TMEM117: variants seen among roughly 807,000 people sequenced by gnomAD.
The protein encoded by TMEM117 is transmembrane protein 117.
TMEM117 carries 27 observed loss-of-function variants against 52.4 expected under a neutral mutation model. That is an observed-to-expected ratio of 0.51 (90% confidence interval 0.38 to 0.71). TMEM117 has a LOEUF of 0.71. Among genes scored for constraint, TMEM117 ranks in the 30% least tolerant of loss-of-function variants. TMEM117 has a pLI of 0.00. For synonymous variants in TMEM117, 215 were observed against 206.3 expected, an observed-to-expected ratio of 1.04 and a Z score of -0.36; for missense variants, 556 against 630.5, an observed-to-expected ratio of 0.88 and a Z score of 1.26.
At chr12:43,976,186 G>A (rs2137705961) in intron 3 of TMEM117, among the ~76,000 whole-genome samples, 1 of 152,288 alleles carries the variant, frequency 6.6e-6, no homozygotes, top group African/African-American at 2.4e-5. Context: ...GGAATCACCA[G>A]TGTGACATGA....
At chr12:44,329,890 T>C (rs1404288784) in intron 6 of TMEM117, among the ~76,000 whole-genome samples, 1 of 152,100 alleles carries the variant, frequency 6.6e-6, no homozygotes, top group Non-Finnish European at 1.5e-5. Flanking sequence ...ATATACCGTA[T>C]TTTGTTTATC....
intron 3 of TMEM117, among the ~76,000 whole-genome samples, chr12:43,981,160 C>G (rs2137721042): frequency 6.6e-6 from 1 of 152,214 alleles, no homozygotes; most frequent in Non-Finnish European, 1.5e-5. Flanking sequence ...CCTGACCGAT[C>G]TCCTACACCA....
chr12:43,848,332 G>A (rs1943247041), intron 2 of TMEM117, among the ~76,000 whole-genome samples: 1 of 152,116 alleles, frequency 6.6e-6, no homozygotes, highest in Non-Finnish European at 1.5e-5. Context: ...GGTTCTTCAG[G>A]AGACCAGGGC....
Position 44,199,038 on chromosome 12 carries a change from C to A in TMEM117, c.511-12252C>A, listed in dbSNP as rs1373006205. On this transcript the variant is annotated intron_variant, in intron 4 of 7. Coordinates refer to ENST00000266534, the MANE Select transcript of TMEM117 (RefSeq NM_032256.3). ...GAACAACTTGAAGAAATACTGGAGCCCTGTTGTTCACCTCACCTCTTCTCC... is the reference window on the plus strand; with the variant it reads ...GAACAACTTGAAGAAATACTGGAGCACTGTTGTTCACCTCACCTCTTCTCC... 2.0e-5 allele frequency among the ~76,000 whole-genome samples: 3 copies of A among 152,054 alleles called. No individual in the cohort carries two copies. In the East Asian group the frequency reaches 5.8e-4, roughly 29 times the overall value.
chr12:43,865,664 T>A (rs2137411569), intron 2 of TMEM117, among the ~76,000 whole-genome samples: 1 of 149,998 alleles, frequency 6.7e-6, no homozygotes, highest in East Asian at 2.0e-4. Context: ...ACCACTGCAC[T>A]CCAGCCTGGG....
At chr12:44,165,605 A>G (rs1371695010) in intron 4 of TMEM117, among the ~76,000 whole-genome samples, 2 of 152,242 alleles carry the variant, frequency 1.3e-5, no homozygotes, top group Non-Finnish European at 2.9e-5. Flanking sequence ...ACTTTAAGTC[A>G]AAAACAGTCA....
chr12:43,873,275 T>A (rs888985690), intron 2 of TMEM117, among the ~76,000 whole-genome samples: 1 of 103,540 alleles, frequency 9.7e-6, no homozygotes, highest in African/African-American at 2.7e-5. Flanking sequence ...TAGTAGAGTA[T>A]AATTAGGCAA....
At chr12:44,162,782 A>T (rs973921969) in intron 4 of TMEM117, among the ~76,000 whole-genome samples, 2 of 152,188 alleles carry the variant, frequency 1.3e-5, no homozygotes, top group African/African-American at 4.8e-5. Flanking sequence ...GTAGACTAAT[A>T]ACACATGTAG....
chr12:44,035,128 T>A (rs1946690027), intron 3 of TMEM117, among the ~76,000 whole-genome samples: 1 of 152,200 alleles, frequency 6.6e-6, no homozygotes, highest in Non-Finnish European at 1.5e-5. Flanking sequence ...TTGTGGGACT[T>A]CTCAGGCTTC....
intron 5 of TMEM117, among the ~76,000 whole-genome samples, chr12:44,273,532 A>T (rs1179358454): frequency 6.6e-6 from 1 of 152,118 alleles, no homozygotes; most frequent in African/African-American, 2.4e-5. Flanking sequence ...ACTACAGGCC[A>T]GTATATCTGA....
chr12:43,970,772 G>A (rs542782838), intron 3 of TMEM117, among the ~76,000 whole-genome samples: 12 of 152,110 alleles, frequency 7.9e-5, no homozygotes, highest in Middle Eastern at 3.4e-3. Context: ...GTTTTCTTTG[G>A]GCTCTCATCA....
chr12:44,290,478 C>T (rs1291105787), intron 5 of TMEM117, among the ~76,000 whole-genome samples: 1 of 152,066 alleles, frequency 6.6e-6, no homozygotes. Flanking sequence ...ATTCTTAGTG[C>T]TTTTGTCAAA....
intron 7 of TMEM117, among the ~76,000 whole-genome samples, chr12:44,382,293 GAAGGACTCGA>G (rs1952031668): frequency 1.3e-5 from 2 of 152,084 alleles, no homozygotes; most frequent in African/African-American, 4.8e-5. Flanking sequence ...AGAGCCAGAG[GAAGGACTCGA>G]AATATATAAT....
Position 43,957,290 on chromosome 12 carries a change from A to G in TMEM117, c.410+12948A>G, listed in dbSNP as rs149183017. ...TGAAACAAACCTACTCATCCTGCAC[A>G]TGTACCCCAGAACTTAAAAAAAGAA... On this transcript the variant is annotated intron_variant, in intron 3 of 7. Transcript: ENST00000266534. Among the ~76,000 whole-genome samples the G allele has an allele frequency of 4.4e-3, 667 of 152,258 alleles. 6 individuals carry two copies. The highest frequency in any genetic ancestry group is 0.016 in the African/African-American group (646 of 41,560).
intron 3 of TMEM117, among the ~76,000 whole-genome samples, chr12:43,964,178 C>T (rs573061982): frequency 1.3e-5 from 2 of 152,140 alleles, no homozygotes; most frequent in South Asian, 4.2e-4. Context: ...TAGTAGCTCT[C>T]GGGGAGGTCT....
chr12:44,381,106 T>G (rs1325422580), intron 7 of TMEM117, among the ~76,000 whole-genome samples: 4 of 152,212 alleles, frequency 2.6e-5, no homozygotes, highest in Non-Finnish European at 5.9e-5. Context: ...GATGGCTTGC[T>G]GCAGTATGTA....
chr12:44,114,003 G>A (rs1016017607), intron 3 of TMEM117, among the ~76,000 whole-genome samples: 2 of 146,010 alleles, frequency 1.4e-5, no homozygotes, highest in African/African-American at 2.7e-5. Context: ...TCTTTGACTC[G>A]GAAAGGGAAC....
chr12:44,071,481 A>G (rs1222048396), intron 3 of TMEM117, among the ~76,000 whole-genome samples: 1 of 152,192 alleles, frequency 6.6e-6, no homozygotes, highest in African/African-American at 2.4e-5. Context: ...GCAAATGTAA[A>G]CTACATTTAA....
intron 4 of TMEM117, among the ~76,000 whole-genome samples, chr12:44,161,420 A>G (rs962452112): frequency 6.6e-6 from 1 of 152,194 alleles, no homozygotes; most frequent in Non-Finnish European, 1.5e-5. Flanking sequence ...GTCACTTAGC[A>G]TGGAACTTAT....
Sources: allele counts gnomAD v4.1 joint callset (sites outside exome capture counted in the v4.1 genomes callset), GRCh38; gene constraint gnomAD v4.1.1; transcripts MANE v1.5; gene names NCBI Gene and HGNC (gene_info 2026-07-23, HGNC 2026-07-21).